Variants in NTMT1 observed in about 807,000 individuals in gnomAD.
The protein encoded by NTMT1 is N-terminal Xaa-Pro-Lys N-methyltransferase 1, also known as N-terminal RCC1 methyltransferase.
Under a neutral mutation model 17.5 loss-of-function variants are expected in NTMT1, and 8 were observed. That is an observed-to-expected ratio of 0.46 (90% CI 0.27 to 0.82). The LOEUF (loss-of-function observed/expected upper bound fraction) is 0.82. Ranked by LOEUF, NTMT1 falls within the 40% of genes least tolerant of loss-of-function variation. The pLI is 0.15. For missense variants in NTMT1, 221 were observed against 303.5 expected, an observed-to-expected ratio of 0.73 and a Z score of 2.02; for synonymous variants, 128 against 126.8, an observed-to-expected ratio of 1.01 and a Z score of -0.06.
At position 129,613,425 on chromosome 9, in the gene NTMT1, G is replaced by A; in HGVS notation, c.-55+4247G>A. On this transcript the variant is annotated intron_variant, in intron 1 of 3. Coordinates refer to the NTMT1 transcript ENST00000372486. The surrounding 1 kb of genome is among the most constrained non-coding windows in gnomAD (Gnocchi z 6.2). Reference sequence around the variant, plus strand: ...GTCCACGAGTCCCATCCGCTTCCCTGGAGCCTCACAGGCCAGCGCAGTCCC... The same window carrying A: ...GTCCACGAGTCCCATCCGCTTCCCTAGAGCCTCACAGGCCAGCGCAGTCCC... 6.2e-7 allele frequency: 1 copy of A among 1,612,654 alleles called. No individual in the cohort carries two copies. Among genetic ancestry groups the A allele is most frequent in the Non-Finnish European group, 8.5e-7 (1 of 1,179,176 alleles).
chr9:129,617,677 G>GT (rs1316908810), intron 1 of NTMT1, among the ~76,000 whole-genome samples: 56 of 150,830 alleles, frequency 3.7e-4, no homozygotes, highest in East Asian at 3.7e-3. Context: ...GTGTTTCACT[G>GT]TTTTTGTTTG....
intron 1 of NTMT1, among the ~76,000 whole-genome samples, chr9:129,612,716 G>T (rs577458455): frequency 2.0e-4 from 31 of 152,256 alleles, no homozygotes; most frequent in African/African-American, 6.7e-4. Flanking sequence ...TGTCTCTACC[G>T]AAAATACAAA....
At chr9:129,623,823 C>CTT (rs746654555), upstream of NTMT1, among the ~76,000 whole-genome samples, 3,305 of 107,578 alleles carry the variant, frequency 0.031, 289 homozygotes, top group African/African-American at 0.065. Flanking sequence ...TTTTTCTTTT[C>CTT]TTTTCTTTTT....
At chr9:129,617,633 G>T (rs1830456137) in intron 1 of NTMT1, among the ~76,000 whole-genome samples, 1 of 152,094 alleles carries the variant, frequency 6.6e-6, no homozygotes, top group Non-Finnish European at 1.5e-5. Flanking sequence ...TGTATATTTG[G>T]CCTGATTGGT....
At position 129,614,301 on chromosome 9, in the gene NTMT1, C is replaced by T. The variant is rs531519168; in HGVS notation, c.-55+5123C>T. 2.6e-4 allele frequency among the ~76,000 whole-genome samples: 39 copies of T among 152,262 alleles called. No individual in the cohort carries two copies. The highest frequency in any genetic ancestry group is 3.4e-4 in the Non-Finnish European group (23 of 68,026). On this transcript the variant is annotated intron_variant, in intron 1 of 3. Transcript: ENST00000372486. The surrounding 1 kb of genome is among the most constrained non-coding windows in gnomAD (Gnocchi z 4.4). ...CCCCACCAAACAAACAGAAGTTGGG[C>T]AAAAATCACAGCTTCTAACTCCAGC... is the stretch of plus-strand genomic sequence containing the variant.
rs751652325 is a variant in NTMT1, at chr9:129,613,552, G to A, written c.-55+4374G>A. ...GACACTCCCAAACACCCGCTCGGAC[G>A]CCACTGGCAGGGCGGCCTTCTGGTT... On this transcript the variant is annotated intron_variant, in intron 1 of 3. Coordinates refer to the NTMT1 transcript ENST00000372486. The surrounding 1 kb of genome is among the most constrained non-coding windows in gnomAD (Gnocchi z 6.2). 1.5e-5 allele frequency: 25 copies of A among 1,614,048 alleles called. No individual in the cohort carries two copies. The highest frequency in any genetic ancestry group is 1.6e-4 in the Middle Eastern group (1 of 6,082).
upstream of NTMT1, among the ~76,000 whole-genome samples, chr9:129,623,345 A>AAGAAAGAAG (rs1554775222): frequency 7.0e-6 from 1 of 142,644 alleles, no homozygotes; most frequent in Non-Finnish European, 1.5e-5. Flanking sequence ...AAAAAAAAAA[A>AAGAAAGAAG]GAAGGAAGGA....
intron 1 of NTMT1, among the ~76,000 whole-genome samples, chr9:129,610,762 C>T (rs1315715474): frequency 6.6e-6 from 1 of 152,144 alleles, no homozygotes; most frequent in Non-Finnish European, 1.5e-5. Flanking sequence ...GGGCCCGCCG[C>T]GACCCTTGGG....
chr9:129,620,057 G>A lies in NTMT1; in HGVS notation c.-55+10879G>A. 1 of 1,447,468 alleles carries A rather than the reference G, an allele frequency of 6.9e-7. No homozygotes were observed. The highest frequency in any genetic ancestry group is 9.1e-7 in the Non-Finnish European group (1 of 1,099,044). 89.7% of individuals were successfully genotyped at this position (1,447,468 alleles called of 1,614,324 possible). ...CTCGGGCCCGCCCCCCGGGCCCCGC[G>A]GGGCCTCACTCAGTGGCTCCGGCTC... On this transcript the variant is annotated intron_variant, in intron 1 of 3. Coordinates refer to the NTMT1 transcript ENST00000372486. This position sits in a 1 kb window ranked among gnomAD's most constrained non-coding sequence, Gnocchi z 5.8.
chr9:129,611,482 A>G (rs1830114426), intron 1 of NTMT1, among the ~76,000 whole-genome samples: 1 of 152,238 alleles, frequency 6.6e-6, no homozygotes, highest in South Asian at 2.1e-4. Context: ...CCCGTCCCAC[A>G]CAGGTGCTTT....
rs1009596781 is a variant in NTMT1 at position 129,613,938 on chromosome 9, G to A, written c.-55+4760G>A. On this transcript the variant is annotated intron_variant, in intron 1 of 3. Coordinates refer to the NTMT1 transcript ENST00000372486. This position sits in a 1 kb window ranked among gnomAD's most constrained non-coding sequence, Gnocchi z 6.2. ...GAGGGCTTCAGGGAGGGCTGTCTCA[G>A]GGATGGGGGCTCTTCCTGTCCAACA... 6.6e-6 allele frequency among the ~76,000 whole-genome samples: 1 copy of A among 152,194 alleles called. No homozygotes were observed. The highest frequency in any genetic ancestry group is 2.4e-5 in the African/African-American group (1 of 41,446).
chr9:129,632,937 C>T (rs1227568987), intron 2 of NTMT1, 72 bp downstream of exon 2: 4 of 1,506,616 alleles, frequency 2.7e-6, no homozygotes, highest in Non-Finnish European at 3.6e-6. Context: ...TGTGGGGTGC[C>T]ACCTTTTACA....
intron 1 of NTMT1, among the ~76,000 whole-genome samples, chr9:129,611,559 C>A (rs1199592303): frequency 1.3e-5 from 2 of 152,144 alleles, no homozygotes; most frequent in Admixed American, 6.5e-5. Context: ...GGGCTCTCTT[C>A]CCTCGGCTGG....
Position 129,620,025 on chromosome 9 carries a change from G to T in NTMT1, c.-55+10847G>T. The stretch of plus-strand genomic sequence containing the variant: ...GGACACAAGGGACCACCCCCCACCG[G>T]AAATGACTCGGGCCCGCCCCCCGGG... On this transcript the variant is annotated intron_variant, in intron 1 of 3. Coordinates refer to the NTMT1 transcript ENST00000372486. The surrounding 1 kb of genome is among the most constrained non-coding windows in gnomAD (Gnocchi z 5.8). The T allele has an allele frequency of 6.9e-7, 1 of 1,457,164 alleles. No homozygotes were observed. The highest frequency in any genetic ancestry group is 1.4e-5 in the South Asian group (1 of 69,776). The allele number at this position is 1,457,164 out of a possible 1,614,324, so 90.3% of individuals were successfully genotyped here. A position where few individuals can be genotyped will look rare whatever the true frequency, so the allele number is the denominator to read the frequency against.
At chr9:129,628,052 G>A (rs1021532704) in intron 1 of NTMT1, among the ~76,000 whole-genome samples, 1 of 152,226 alleles carries the variant, frequency 6.6e-6, no homozygotes, top group Non-Finnish European at 1.5e-5. Context: ...GGCATGAGGG[G>A]TTTGTCTTCC....
At position 129,620,022 on chromosome 9, in the gene NTMT1, C is replaced by A; in HGVS notation, c.-55+10844C>A. On this transcript the variant is annotated intron_variant, in intron 1 of 3. Coordinates refer to the NTMT1 transcript ENST00000372486. The surrounding 1 kb of genome is among the most constrained non-coding windows in gnomAD (Gnocchi z 5.8). ...CGGGGACACAAGGGACCACCCCCCA[C>A]CGGAAATGACTCGGGCCCGCCCCCC... The A allele has an allele frequency of 6.9e-7, 1 of 1,458,260 alleles. No individual in the cohort carries two copies. Among genetic ancestry groups the A allele is most frequent in the East Asian group, 2.5e-5 (1 of 40,022 alleles). The allele number at this position is 1,458,260 out of a possible 1,614,324, so 90.3% of individuals were successfully genotyped here. A position where few individuals can be genotyped will look rare whatever the true frequency, so the allele number is the denominator to read the frequency against.
At chr9:129,632,102 G>T (rs562767223) in intron 1 of NTMT1, among the ~76,000 whole-genome samples, 1 of 152,264 alleles carries the variant, frequency 6.6e-6, no homozygotes, top group East Asian at 1.9e-4. Context: ...TATTGATCAG[G>T]GTTTTCTGTG....
intron 1 of NTMT1, chr9:129,615,729 G>C (rs556489505): frequency 2.8e-6 from 4 of 1,413,978 alleles, no homozygotes; most frequent in Non-Finnish European, 3.7e-6. Flanking sequence ...CTCGCTGTGA[G>C]ATCCTGGACA....
In NTMT1 at chr9:129,620,878, C is replaced by G. The variant is rs1449859349; in HGVS notation, c.-55+11700C>G. On this transcript the variant is annotated intron_variant, in intron 1 of 3. Transcript: ENST00000372486. This position sits in a 1 kb window ranked among gnomAD's most constrained non-coding sequence, Gnocchi z 5.8. ...CAAGCTCGGTACAGTGCCAGGCACG[C>G]TGGCCAAGCTTACACATAGACTAGC... The G allele has an allele frequency of 9.4e-6, 3 of 319,258 alleles. No individual in the cohort carries two copies. Among genetic ancestry groups the G allele is most frequent in the Non-Finnish European group, 5.7e-6 (1 of 176,092 alleles). 19.8% of individuals were successfully genotyped at this position (319,258 alleles called of 1,614,324 possible).
Sources: gnomAD v4.1 joint callset for allele counts (sites outside exome capture counted in the v4.1 genomes callset) on GRCh38, gnomAD v4.1.1 for gene constraint, Gnocchi (gnomAD v3.1) non-coding constraint, MANE v1.5 for transcripts, NCBI Gene and HGNC (gene_info 2026-07-23, HGNC 2026-07-21) for gene names.